PPP2R3C: variants seen among roughly 807,000 people sequenced by gnomAD.
PPP2R3C encodes serine/threonine-protein phosphatase 2A regulatory subunit B'' subunit gamma.
A neutral mutation model predicts 63.7 loss-of-function variants in PPP2R3C; 47 were observed. The observed-to-expected ratio is 0.74, with a 90% confidence interval of 0.58 to 0.94. The LOEUF (loss-of-function observed/expected upper bound fraction) is 0.94. Among genes scored for constraint, PPP2R3C ranks in the 40% least tolerant of loss-of-function variants. The pLI, the probability that PPP2R3C is intolerant of heterozygous loss-of-function variation, is 0.00. For synonymous variants in PPP2R3C, 180 were observed against 177.4 expected, an observed-to-expected ratio of 1.01 and a Z score of -0.12; for missense variants, 421 against 518.4, an observed-to-expected ratio of 0.81 and a Z score of 1.82.
chr14:35,113,785 G>C (rs539192227), intron 2 of PPP2R3C, among the ~76,000 whole-genome samples: 1 of 152,108 alleles, frequency 6.6e-6, no homozygotes. Flanking sequence ...CAGGTGGCCC[G>C]CTGCTCAAGA....
chr14:35,122,097 C>A (rs2046925573), upstream of PPP2R3C: 3 of 868,720 alleles, frequency 3.5e-6, no homozygotes. Context: ...GGGCGGAAGT[C>A]TTGGCTAAAG....
chr14:35,087,151 G>A (rs527360371), intron 12 of PPP2R3C: 4 of 152,128 alleles, frequency 2.6e-5, no homozygotes, highest in Admixed American at 2.6e-4. Flanking sequence ...AAAACTTACT[G>A]GAACATATAG....
chr14:35,116,527 T>C, intron 2 of PPP2R3C, 83 bp downstream of exon 2: 1 of 1,151,838 alleles, frequency 8.7e-7, no homozygotes, highest in Non-Finnish European at 1.2e-6. Flanking sequence ...AGTGTTGGGA[T>C]TACAGGTATG....
intron 1 of PPP2R3C, among the ~76,000 whole-genome samples, chr14:35,117,747 C>T (rs1191557373): frequency 1.3e-5 from 2 of 151,396 alleles, no homozygotes; most frequent in African/African-American, 2.4e-5. Context: ...CAGGCTGGGG[C>T]GCAATGGTAC....
At chr14:35,105,745 T>C (rs1371394227) in intron 6 of PPP2R3C, among the ~76,000 whole-genome samples, 3 of 152,144 alleles carry the variant, frequency 2.0e-5, no homozygotes, top group African/African-American at 7.2e-5. Context: ...TGTGTAGTCG[T>C]GCATAGAATT....
At chr14:35,121,865 C>T (rs764713608) in intron 1 of PPP2R3C, 37 bp downstream of exon 1, 16 of 1,611,976 alleles carry the variant, frequency 9.9e-6, no homozygotes, top group Non-Finnish European at 1.4e-5. Flanking sequence ...AGTTTAGGGC[C>T]GGGCCATCCC....
chr14:35,095,112 G>C lies in PPP2R3C; in HGVS notation c.911C>G (p.Ala304Gly). Residue 304 changes from alanine (A) to glycine (G), a missense_variant, in exon 10 of 13, where the codon GCT (alanine) becomes GGT (glycine). Physicochemically the swap from Ala to Gly is moderately conservative, Grantham distance 60. Around this residue, in one of 3 missense-constraint regions of PPP2R3C, gnomAD observed 231 missense variants for 264.8 expected, o/e 0.87. Transcript: ENST00000261475. The part of the protein sequence containing the change: ...SKEELSRYGT[A>G]TMTNVFLDRV... ...GTCTAAGAAGACATTGGTCATGGTAGCTGTTCCATAGCGTGAGAGTTCTTC... is the reference window on the plus strand; with the variant it reads ...GTCTAAGAAGACATTGGTCATGGTACCTGTTCCATAGCGTGAGAGTTCTTC... The C allele has an allele frequency of 1.2e-6, 2 of 1,609,902 alleles. No individual in the cohort carries two copies. Among genetic ancestry groups the C allele is most frequent in the Non-Finnish European group, 1.7e-6 (2 of 1,176,166 alleles).
intron 11 of PPP2R3C, among the ~76,000 whole-genome samples, chr14:35,090,402 T>C (rs928450520): frequency 2.6e-5 from 4 of 152,078 alleles, no homozygotes; most frequent in African/African-American, 7.2e-5. Flanking sequence ...GACCCAGTTA[T>C]TGGGGAGGCT....
At chr14:35,116,463 C>A (rs12437439) in intron 2 of PPP2R3C, 147 bp downstream of exon 2, 91,099 of 497,376 alleles carry the variant, frequency 0.18, 9,736 homozygotes, top group East Asian at 0.34. Context: ...CTATGTTGCC[C>A]TGGCTGGTCT....
chr14:35,085,564 T>C lies in PPP2R3C; in HGVS notation c.*26A>G. The C allele has an allele frequency of 6.4e-7, 1 of 1,563,484 alleles. No individual in the cohort carries two copies. The highest frequency in any genetic ancestry group is 1.7e-4 in the Middle Eastern group (1 of 5,850). Reference sequence around the variant, plus strand: ...CATGCAGCATTCAAGTATCTCATAATATAAGACAGTCTAGTCTTTCAGAGA... The same window carrying C: ...CATGCAGCATTCAAGTATCTCATAACATAAGACAGTCTAGTCTTTCAGAGA... On this transcript the variant is annotated 3_prime_UTR_variant, in exon 13 of 13. Coordinates refer to ENST00000261475, the MANE Select transcript of PPP2R3C (RefSeq NM_017917.4).
intron 6 of PPP2R3C, among the ~76,000 whole-genome samples, chr14:35,106,184 T>G (rs1182694493): frequency 6.6e-6 from 1 of 152,046 alleles, no homozygotes; most frequent in East Asian, 1.9e-4. Context: ...AGAAAATAAA[T>G]TTTACAAAAT....
intron 1 of PPP2R3C, among the ~76,000 whole-genome samples, chr14:35,119,353 T>TA (rs1555316774): frequency 1.3e-5 from 2 of 151,714 alleles, no homozygotes; most frequent in Non-Finnish European, 2.9e-5. Context: ...GAATTTTTTT[T>TA]AAGACAGGGT....
chr14:35,121,830 T>A, intron 1 of PPP2R3C, 72 bp downstream of exon 1: 2 of 1,525,088 alleles, frequency 1.3e-6, no homozygotes, highest in Non-Finnish European at 1.8e-6. Context: ...TTGCTCCTCC[T>A]CCCCACCTCC....
intron 1 of PPP2R3C, 127 bp downstream of exon 1, chr14:35,121,772 GCCT>G: frequency 9.8e-7 from 1 of 1,017,882 alleles, no homozygotes; most frequent in South Asian, 1.4e-5. Flanking sequence ...ATTCCACTCC[GCCT>G]CCTTTGTCGG....
chr14:35,102,019 TTCTCTC>T (rs200473222), intron 6 of PPP2R3C: 4 of 112,394 alleles, frequency 3.6e-5, no homozygotes, highest in East Asian at 4.2e-4. Context: ...CTTCCATGGT[TTCTCTC>T]TCTCTTTTTT....
intron 2 of PPP2R3C, among the ~76,000 whole-genome samples, chr14:35,114,769 G>T (rs967230562): frequency 1.3e-5 from 2 of 152,124 alleles, no homozygotes; most frequent in African/African-American, 4.8e-5. Context: ...GAGGCAGGTA[G>T]ATCACCTGAG....
At chr14:35,102,775 T>G (rs1371988555) in intron 6 of PPP2R3C, 1 of 152,208 alleles carries the variant, frequency 6.6e-6, no homozygotes, top group Non-Finnish European at 1.5e-5. Context: ...TATTTATCTA[T>G]TTAGAGATGG....
intron 11 of PPP2R3C, 74 bp downstream of exon 11, chr14:35,090,996 T>G: frequency 7.1e-7 from 1 of 1,409,828 alleles, no homozygotes; most frequent in Non-Finnish European, 9.7e-7. Context: ...ATTACAGGCG[T>G]GAGCCACTGC....
intron 6 of PPP2R3C, among the ~76,000 whole-genome samples, chr14:35,103,206 G>T (rs1289150220): frequency 6.6e-6 from 1 of 152,150 alleles, no homozygotes; most frequent in Non-Finnish European, 1.5e-5. Flanking sequence ...TGGCCCAAAA[G>T]GCCCTACATG....
Sources: allele counts gnomAD v4.1 joint callset (sites outside exome capture counted in the v4.1 genomes callset), GRCh38; gene constraint gnomAD v4.1.1; regional missense constraint gnomAD v4.1.1; transcripts MANE v1.5; gene names NCBI Gene and HGNC (gene_info 2026-07-23, HGNC 2026-07-21).